The following JMJD1C variants were observed in gnomAD, a reference collection of about 807,000 sequenced individuals.
The protein encoded by JMJD1C is jumonji domain containing 1C.
A neutral mutation model predicts 245.3 loss-of-function variants in JMJD1C; 31 were observed. The ratio of observed to expected loss-of-function variants is 0.13; its 90% CI spans 0.09 to 0.17. JMJD1C has a LOEUF of 0.17. Among genes scored for constraint, JMJD1C ranks in the 10% least tolerant of loss-of-function variants. The pLI is 1.00. For missense variants in JMJD1C, 2,691 were observed against 3,000.2 expected (o/e 0.90, Z 2.41); for synonymous variants, 1,057 against 1,017.4 (o/e 1.04, Z -0.74).
At chr10:63,242,453 G>A (rs1044943677) in intron 3 of JMJD1C, among the ~76,000 whole-genome samples, 1 of 152,208 alleles carries the variant, frequency 6.6e-6, no homozygotes, top group African/African-American at 2.4e-5. Context: ...CGGGCGTAGT[G>A]GCTCATACCT....
chr10:63,347,843 G>A (rs1943989981), intron 2 of JMJD1C, among the ~76,000 whole-genome samples: 1 of 152,028 alleles, frequency 6.6e-6, no homozygotes, highest in African/African-American at 2.4e-5. Context: ...CAACCCAGGG[G>A]GTGGAAGTTG....
intron 3 of JMJD1C, among the ~76,000 whole-genome samples, chr10:63,236,644 G>T (rs1487173024): frequency 6.6e-6 from 1 of 152,096 alleles, no homozygotes; most frequent in Non-Finnish European, 1.5e-5. Flanking sequence ...ACAAACTCAG[G>T]AAGGCCTGGG....
chr10:63,407,594 T>C (rs563929186), intron 1 of JMJD1C, among the ~76,000 whole-genome samples: 14 of 152,078 alleles, frequency 9.2e-5, no homozygotes, highest in African/African-American at 2.9e-4. Context: ...CTCTATTACA[T>C]ACAAGTAGTC....
chr10:63,475,008 G>T (rs1392390024), intron 1 of JMJD1C, among the ~76,000 whole-genome samples: 3 of 151,982 alleles, frequency 2.0e-5, no homozygotes, highest in African/African-American at 7.2e-5. Context: ...TGGCATGAAG[G>T]TGCTGGAAAT....
intron 2 of JMJD1C, among the ~76,000 whole-genome samples, chr10:63,277,689 CAAGT>C (rs1052242319): frequency 2.0e-5 from 3 of 146,834 alleles, no homozygotes; most frequent in African/African-American, 7.6e-5. Flanking sequence ...ACAAATTGAC[CAAGT>C]AAGAGCAAAA....
At chr10:63,446,360 A>G (rs1239027930) in intron 1 of JMJD1C, among the ~76,000 whole-genome samples, 1 of 152,196 alleles carries the variant, frequency 6.6e-6, no homozygotes, top group Non-Finnish European at 1.5e-5. Flanking sequence ...AGCTGCGGAC[A>G]TATTAAGTCT....
intron 1 of JMJD1C, among the ~76,000 whole-genome samples, chr10:63,496,206 A>G (rs1039336474): frequency 4.6e-5 from 7 of 152,022 alleles, no homozygotes; most frequent in Non-Finnish European, 1.0e-4. Context: ...TAAATAACTT[A>G]TTTTTTTCAG....
intron 3 of JMJD1C, among the ~76,000 whole-genome samples, chr10:63,254,871 T>A (rs1853641265): frequency 6.8e-6 from 1 of 147,788 alleles, no homozygotes; most frequent in Non-Finnish European, 1.5e-5. Flanking sequence ...TTTTTTTTTA[T>A]GAGATAGGGT....
chr10:63,376,251 A>G (rs1396265972), intron 2 of JMJD1C, among the ~76,000 whole-genome samples: 1 of 152,196 alleles, frequency 6.6e-6, no homozygotes, highest in African/African-American at 2.4e-5. Flanking sequence ...AAAAAGCTGG[A>G]CCCTTACATG....
chr10:63,462,423 G>C (rs150029542), intron 1 of JMJD1C, among the ~76,000 whole-genome samples: 1 of 152,074 alleles, frequency 6.6e-6, no homozygotes, highest in Admixed American at 6.5e-5. Flanking sequence ...TGCTACCACG[G>C]TGTGGTAAAA....
At chr10:63,177,693 T>C (rs772518387) in intron 23 of JMJD1C, 24 bp downstream of exon 23, 16 of 1,612,344 alleles carry the variant, frequency 9.9e-6, no homozygotes, top group South Asian at 3.3e-5. Context: ...GGGGAAGAGA[T>C]ATTATTTGCA....
chr10:63,431,191 T>C (rs1950724527), intron 1 of JMJD1C, among the ~76,000 whole-genome samples: 1 of 152,210 alleles, frequency 6.6e-6, no homozygotes, highest in South Asian at 2.1e-4. Flanking sequence ...AACAATAAAA[T>C]ACTATAACAT....
intron 3 of JMJD1C, among the ~76,000 whole-genome samples, chr10:63,253,339 A>C (rs1185690119): frequency 1.3e-5 from 2 of 152,082 alleles, no homozygotes; most frequent in East Asian, 3.9e-4. Flanking sequence ...TGCTGGGGAA[A>C]CTGGATATTC....
chr10:63,375,577 G>T (rs1005820086), intron 2 of JMJD1C, among the ~76,000 whole-genome samples: 1 of 150,974 alleles, frequency 6.6e-6, no homozygotes, highest in South Asian at 2.1e-4. Flanking sequence ...TAGAGACAGG[G>T]TCTCACTCTG....
intron 2 of JMJD1C, among the ~76,000 whole-genome samples, chr10:63,322,293 T>G (rs896712486): frequency 3.3e-5 from 5 of 152,106 alleles, no homozygotes; most frequent in African/African-American, 1.2e-4. Flanking sequence ...ATTTTCAGAA[T>G]TTTTTTCCTC....
intron 1 of JMJD1C, among the ~76,000 whole-genome samples, chr10:63,407,902 G>A (rs977031252): frequency 1.3e-5 from 2 of 151,284 alleles, no homozygotes; most frequent in African/African-American, 4.9e-5. Context: ...AGAAAAGGAA[G>A]CTGAAAATTT....
intron 1 of JMJD1C, among the ~76,000 whole-genome samples, chr10:63,435,058 T>C (rs1950988435): frequency 6.6e-6 from 1 of 152,248 alleles, no homozygotes; most frequent in Non-Finnish European, 1.5e-5. Context: ...ATGTTGTCTC[T>C]ACTGAACAAT....
intron 1 of JMJD1C, among the ~76,000 whole-genome samples, chr10:63,433,296 A>G (rs557746497): frequency 6.6e-6 from 1 of 152,110 alleles, no homozygotes; most frequent in Non-Finnish European, 1.5e-5. Flanking sequence ...GTGTTTCTTC[A>G]TGTTGGTCAG....
chr10:63,178,927 C>T (rs972883633), intron 22 of JMJD1C, among the ~76,000 whole-genome samples: 2 of 152,132 alleles, frequency 1.3e-5, no homozygotes, highest in African/African-American at 2.4e-5. Context: ...GGTACAACTG[C>T]AATTTTTGTT....
Sources: gnomAD v4.1 joint callset for allele counts (sites outside exome capture counted in the v4.1 genomes callset) on GRCh38, gnomAD v4.1.1 for gene constraint, MANE v1.5 for transcripts, NCBI Gene and HGNC (gene_info 2026-07-23, HGNC 2026-07-21) for gene names.